Variants in TMEM178B observed in about 807,000 individuals in gnomAD.
TMEM178B encodes the protein transmembrane protein 178B.
TMEM178B carries 5 observed loss-of-function variants against 31.0 expected under a neutral mutation model. That is an observed-to-expected ratio of 0.16 (90% CI 0.08 to 0.34). TMEM178B has a LOEUF of 0.34. TMEM178B is among the 10% of genes least tolerant of loss of function. The pLI is 1.00. For synonymous variants in TMEM178B, 164 were observed against 164.0 expected, an observed-to-expected ratio of 1.00 and a Z score of 0.00; for missense variants, 275 against 400.3, an observed-to-expected ratio of 0.69 and a Z score of 2.67.
chr7:141,337,185 GCACCACCAC>G (rs1799431538), intron 2 of TMEM178B, among the ~76,000 whole-genome samples: 1 of 8,876 alleles, frequency 1.1e-4, no homozygotes, highest in African/African-American at 8.0e-4. Flanking sequence ...ACCACCACCA[GCACCACCAC>G]CATCACCACC....
chr7:141,438,696 TAAAAAAAAAAA>T lies in TMEM178B; in HGVS notation c.634+971_634+981del, dbSNP rs869132131. ...CAGCTTGGTAAAACCCCGTCTCTACTAAAAAAAAAAAAAAAAAAAAAAAAAAAAAATTAGCC... is the reference window on the plus strand; with the variant it reads ...CAGCTTGGTAAAACCCCGTCTCTACTAAAAAAAAAAAAAAAAAAATTAGCC... On this transcript the variant is annotated intron_variant, in intron 3 of 3. Transcript: ENST00000565468. 1.3e-3 allele frequency among the ~76,000 whole-genome samples: 38 copies of T among 29,006 alleles called. 2 individuals are homozygous for T. The highest frequency in any genetic ancestry group is 2.0e-3 in the African/African-American group (22 of 11,120). 19.0% of individuals were successfully genotyped at this position (29,006 alleles called of 152,430 possible).
intron 1 of TMEM178B, among the ~76,000 whole-genome samples, chr7:141,145,665 G>A (rs1173298986): frequency 6.6e-6 from 1 of 152,210 alleles, no homozygotes; most frequent in Non-Finnish European, 1.5e-5. Flanking sequence ...CACCAGCAGA[G>A]TTCAGGGCCC....
intron 2 of TMEM178B, among the ~76,000 whole-genome samples, chr7:141,269,321 C>G (rs1798143970): frequency 6.6e-6 from 1 of 152,100 alleles, no homozygotes. Flanking sequence ...GAACTCCTGA[C>G]CTCAGGTGAT....
intron 1 of TMEM178B, among the ~76,000 whole-genome samples, chr7:141,080,919 T>C (rs1794671784): frequency 6.6e-6 from 1 of 152,214 alleles, no homozygotes; most frequent in African/African-American, 2.4e-5. Context: ...ACAAAGCTAC[T>C]GCACTGCCGG....
At chr7:141,314,659 T>G (rs1332720588) in intron 2 of TMEM178B, among the ~76,000 whole-genome samples, 3 of 152,214 alleles carry the variant, frequency 2.0e-5, no homozygotes, top group African/African-American at 7.2e-5. Context: ...CAATCCTTGC[T>G]GCTGCTCCTC....
At chr7:141,453,744 T>C (rs1801908995) in intron 3 of TMEM178B, among the ~76,000 whole-genome samples, 2 of 152,206 alleles carry the variant, frequency 1.3e-5, no homozygotes, top group South Asian at 2.1e-4. Context: ...TCAATGTCCA[T>C]CTATCAAAGG....
chr7:141,346,986 A>G (rs905723737), intron 2 of TMEM178B, among the ~76,000 whole-genome samples: 1 of 151,976 alleles, frequency 6.6e-6, no homozygotes, highest in African/African-American at 2.4e-5. Context: ...TGGAGTTCTC[A>G]CAAGATCTGA....
At chr7:141,235,627 G>A (rs553746821) in intron 2 of TMEM178B, among the ~76,000 whole-genome samples, 1 of 152,184 alleles carries the variant, frequency 6.6e-6, no homozygotes, top group Non-Finnish European at 1.5e-5. Context: ...CCATGGGCTA[G>A]TCAAGGATAA....
intron 1 of TMEM178B, among the ~76,000 whole-genome samples, chr7:141,185,409 G>C (rs185909109): frequency 1.4e-4 from 22 of 152,286 alleles, no homozygotes; most frequent in African/African-American, 5.3e-4. Flanking sequence ...TGTTCCCCTG[G>C]AGTCAGGCCG....
chr7:141,077,762 T>C (rs1028492350), intron 1 of TMEM178B, among the ~76,000 whole-genome samples: 5 of 152,228 alleles, frequency 3.3e-5, no homozygotes, highest in Non-Finnish European at 7.3e-5. Flanking sequence ...ATAGAAACAC[T>C]TGTGTGAGAA....
chr7:141,375,631 G>T (rs760270735), intron 2 of TMEM178B, among the ~76,000 whole-genome samples: 2 of 152,158 alleles, frequency 1.3e-5, no homozygotes, highest in South Asian at 4.1e-4. Flanking sequence ...AAGCCATGAA[G>T]AAATGAGCCC....
At chr7:141,418,898 A>G (rs1249934187) in intron 2 of TMEM178B, among the ~76,000 whole-genome samples, 1 of 121,094 alleles carries the variant, frequency 8.3e-6, no homozygotes, top group African/African-American at 3.5e-5. Flanking sequence ...TTGTCCTTCC[A>G]TGCTATTTTT....
At chr7:141,077,545 C>T (rs1054982628) in intron 1 of TMEM178B, among the ~76,000 whole-genome samples, 3 of 152,090 alleles carry the variant, frequency 2.0e-5, no homozygotes, top group African/African-American at 4.8e-5. Flanking sequence ...AAATCCATTC[C>T]CCTCCAGGAC....
rs1172235406 is a variant in TMEM178B at position 141,350,153 on chromosome 7, C to CG, written c.497-87454dup. Among the ~76,000 whole-genome samples, 9 of 152,092 alleles carry CG rather than the reference C, an allele frequency of 5.9e-5. No individual in the cohort carries two copies. The South Asian group carries it at 8.3e-4, about 14-fold the overall frequency. Reference sequence around the variant, plus strand: ...CTACCTTCCAGATGTCACAATGAACCGAAAAAACACAAGAAAACCAGTTGA... The same window carrying CG: ...CTACCTTCCAGATGTCACAATGAACCGGAAAAAACACAAGAAAACCAGTTGA... On this transcript the variant is annotated intron_variant, in intron 2 of 3. Coordinates refer to ENST00000565468, the MANE Select transcript of TMEM178B (RefSeq NM_001195278.2).
At chr7:141,105,893 G>A (rs1271574682) in intron 1 of TMEM178B, among the ~76,000 whole-genome samples, 1 of 151,630 alleles carries the variant, frequency 6.6e-6, no homozygotes, top group East Asian at 2.0e-4. Context: ...TCAGGAGTTA[G>A]AGACCAGCCT....
chr7:141,234,117 T>C (rs1054922925), intron 2 of TMEM178B, among the ~76,000 whole-genome samples: 7 of 152,218 alleles, frequency 4.6e-5, no homozygotes, highest in African/African-American at 1.7e-4. Context: ...CTTGCTAGTC[T>C]ACAGTTATAT....
intron 2 of TMEM178B, among the ~76,000 whole-genome samples, chr7:141,382,049 C>T (rs1800325786): frequency 6.6e-6 from 1 of 152,202 alleles, no homozygotes; most frequent in Admixed American, 6.5e-5. Flanking sequence ...TCTCCTCTCC[C>T]ATTCAACGAA....
At chr7:141,258,665 T>G (rs1374277207) in intron 2 of TMEM178B, among the ~76,000 whole-genome samples, 1 of 152,230 alleles carries the variant, frequency 6.6e-6, no homozygotes, top group African/African-American at 2.4e-5. Flanking sequence ...TCTCCATATT[T>G]AATTATCTGG....
intron 2 of TMEM178B, among the ~76,000 whole-genome samples, chr7:141,341,198 T>C (rs1316596857): frequency 6.6e-6 from 1 of 152,128 alleles, no homozygotes; most frequent in Non-Finnish European, 1.5e-5. Flanking sequence ...GTTGTTTCTA[T>C]GGAAACTGGC....
Sources: gnomAD v4.1 joint callset for allele counts (sites outside exome capture counted in the v4.1 genomes callset) on GRCh38, gnomAD v4.1.1 for gene constraint, MANE v1.5 for transcripts, NCBI Gene and HGNC (gene_info 2026-07-23, HGNC 2026-07-21) for gene names.